The following PLEKHA7 variants were observed in gnomAD, a reference collection of about 807,000 sequenced individuals.
PLEKHA7 encodes the protein pleckstrin homology domain containing A7.
Under a neutral mutation model 170.0 loss-of-function variants are expected in PLEKHA7, and 104 were observed. The observed-to-expected ratio is 0.61, with a 90% CI of 0.52 to 0.72. The LOEUF is 0.72. PLEKHA7 is among the 30% of genes least tolerant of loss of function. PLEKHA7 has a pLI of 0.00. For missense variants in PLEKHA7, 1,615 were observed against 1,671.7 expected (o/e 0.97, Z 0.59); for synonymous variants, 648 against 660.8 (o/e 0.98, Z 0.30).
At chr11:16,912,127 G>A (rs1374644751) in intron 3 of PLEKHA7, among the ~76,000 whole-genome samples, 9 of 152,332 alleles carry the variant, frequency 5.9e-5, no homozygotes, top group African/African-American at 1.9e-4. Flanking sequence ...CCCATAAAGG[G>A]AAACTGCTGA....
chr11:16,955,424 T>C (rs1861640372), intron 3 of PLEKHA7, among the ~76,000 whole-genome samples: 1 of 152,240 alleles, frequency 6.6e-6, no homozygotes, highest in Non-Finnish European at 1.5e-5. Context: ...GTTGTTTACT[T>C]ACCTGTTTGT....
intron 3 of PLEKHA7, among the ~76,000 whole-genome samples, chr11:16,907,568 G>C (rs1222691713): frequency 1.7e-5 from 2 of 121,180 alleles, no homozygotes; most frequent in African/African-American, 6.0e-5. Flanking sequence ...AGGCGGGGGG[G>C]TCAGCCCCCC....
At chr11:16,812,196 C>T (rs1302634543) in intron 13 of PLEKHA7, among the ~76,000 whole-genome samples, 2 of 152,220 alleles carry the variant, frequency 1.3e-5, no homozygotes, top group Admixed American at 6.5e-5. Flanking sequence ...TGGTTGATTT[C>T]TAATCAAAAG....
At chr11:16,814,054 T>C (rs1291713489) in intron 12 of PLEKHA7, among the ~76,000 whole-genome samples, 1 of 152,194 alleles carries the variant, frequency 6.6e-6, no homozygotes, top group African/African-American at 2.4e-5. Context: ...CTTACAGCTC[T>C]GAGGTAAGAC....
chr11:16,932,194 T>G (rs1160255527), intron 3 of PLEKHA7, among the ~76,000 whole-genome samples: 2 of 152,170 alleles, frequency 1.3e-5, no homozygotes, highest in Non-Finnish European at 2.9e-5. Context: ...CTCTGTAGTA[T>G]TATTATGAAG....
At chr11:16,971,958 T>C (rs1015795850) in intron 3 of PLEKHA7, among the ~76,000 whole-genome samples, 2 of 151,288 alleles carry the variant, frequency 1.3e-5, no homozygotes, top group South Asian at 2.1e-4. Flanking sequence ...CAAGTAGCTA[T>C]GATTACAGGC....
At chr11:16,792,389 A>G (rs1847923667) in intron 19 of PLEKHA7, among the ~76,000 whole-genome samples, 1 of 152,230 alleles carries the variant, frequency 6.6e-6, no homozygotes, top group Non-Finnish European at 1.5e-5. Context: ...TCAAATAAAA[A>G]TAAAAGAACT....
intron 3 of PLEKHA7, among the ~76,000 whole-genome samples, chr11:16,871,749 A>G (rs529941124): frequency 6.6e-6 from 1 of 152,206 alleles, no homozygotes; most frequent in Non-Finnish European, 1.5e-5. Flanking sequence ...AGTTTCTATC[A>G]CCCTTTTGAA....
intron 3 of PLEKHA7, among the ~76,000 whole-genome samples, chr11:16,948,860 G>A (rs1042618074): frequency 1.3e-5 from 2 of 152,140 alleles, no homozygotes; most frequent in African/African-American, 4.8e-5. Flanking sequence ...CCGCTTCCAG[G>A]GCATCCTCAA....
At chr11:16,892,292 G>C (rs1157798109) in intron 3 of PLEKHA7, among the ~76,000 whole-genome samples, 2 of 152,066 alleles carry the variant, frequency 1.3e-5, no homozygotes, top group African/African-American at 4.8e-5. Flanking sequence ...ATGTATGGTG[G>C]GAAAAGAGCA....
intron 24 of PLEKHA7, among the ~76,000 whole-genome samples, chr11:16,785,378 T>C (rs1341231409): frequency 6.6e-6 from 1 of 152,244 alleles, no homozygotes; most frequent in Non-Finnish European, 1.5e-5. Context: ...CAAATGCTTT[T>C]GGTACATTTA....
chr11:16,817,750 T>G lies in PLEKHA7; in HGVS notation c.1344-428A>C, dbSNP rs1330824420. Among the ~76,000 whole-genome samples the G allele has an allele frequency of 6.6e-6, 1 of 152,148 alleles. No homozygotes were observed. Among genetic ancestry groups the G allele is most frequent in the Non-Finnish European group, 1.5e-5 (1 of 68,022 alleles). On this transcript the variant is annotated intron_variant, in intron 10 of 26. Transcript: ENST00000531066. This position sits in a 1 kb window ranked among gnomAD's most constrained non-coding sequence, Gnocchi z 4.4. ...CATAAAGGAAGTGGTTGGCATCAGT[T>G]CTCTTTTTTCTGGACTCTTCTAGTC...
chr11:16,800,949 A>G (rs1440270481), intron 17 of PLEKHA7, 25 bp downstream of exon 17: 5 of 1,589,910 alleles, frequency 3.1e-6, no homozygotes, highest in African/African-American at 1.3e-5. Flanking sequence ...AAGAGCTCAG[A>G]AGAGATGGAC....
intron 3 of PLEKHA7, among the ~76,000 whole-genome samples, chr11:16,880,602 A>G (rs1855637170): frequency 6.6e-6 from 1 of 152,204 alleles, no homozygotes; most frequent in African/African-American, 2.4e-5. Context: ...GTTAAGGCAC[A>G]GCACCCAGCC....
chr11:16,912,626 A>C (rs1858336563), intron 3 of PLEKHA7, among the ~76,000 whole-genome samples: 1 of 152,160 alleles, frequency 6.6e-6, no homozygotes, highest in Non-Finnish European at 1.5e-5. Flanking sequence ...ATCTCATCTT[A>C]CGTGTGTAGA....
At chr11:16,882,888 A>C (rs957853727) in intron 3 of PLEKHA7, among the ~76,000 whole-genome samples, 16 of 151,636 alleles carry the variant, frequency 1.1e-4, no homozygotes, top group Non-Finnish European at 7.4e-5. Flanking sequence ...ACACACACAC[A>C]GAGTTCAGAG....
At chr11:16,782,160 GACAC>G (rs61710769) in intron 26 of PLEKHA7, among the ~76,000 whole-genome samples, 1 of 76,766 alleles carries the variant, frequency 1.3e-5, no homozygotes, top group Non-Finnish European at 3.2e-5. Context: ...GAGACACACG[GACAC>G]ACACACACCC....
At chr11:17,005,556 G>C (rs942084936) in intron 3 of PLEKHA7, among the ~76,000 whole-genome samples, 1 of 152,070 alleles carries the variant, frequency 6.6e-6, no homozygotes, top group Admixed American at 6.6e-5. Context: ...AAGAGAGAGA[G>C]AGAGAATGGA....
At chr11:16,881,895 G>C (rs146749443) in intron 3 of PLEKHA7, among the ~76,000 whole-genome samples, 28 of 152,250 alleles carry the variant, frequency 1.8e-4, no homozygotes, top group Middle Eastern at 3.4e-3. Flanking sequence ...GCTTGGGATG[G>C]CTAAGGTTCT....
Sources: gnomAD v4.1 joint callset for allele counts (sites outside exome capture counted in the v4.1 genomes callset) on GRCh38, gnomAD v4.1.1 for gene constraint, Gnocchi (gnomAD v3.1) non-coding constraint, MANE v1.5 for transcripts, NCBI Gene and HGNC (gene_info 2026-07-23, HGNC 2026-07-21) for gene names.